The following BEST1 variants were observed in gnomAD, a reference collection of about 807,000 sequenced individuals.
BEST1 encodes bestrophin-1.
A neutral mutation model predicts 63.3 loss-of-function variants in BEST1; 58 were observed. The ratio of observed to expected loss-of-function variants is 0.92; its 90% confidence interval spans 0.74 to 1.14. BEST1 has a LOEUF of 1.14. BEST1 is among the 50% of genes most tolerant of loss of function. The pLI, the probability that BEST1 is intolerant of heterozygous loss-of-function variation, is 0.00. For synonymous variants in BEST1, 283 were observed against 291.6 expected, an observed-to-expected ratio of 0.97 and a Z score of 0.30; for missense variants, 671 against 740.1, an observed-to-expected ratio of 0.91 and a Z score of 1.08.
In BEST1 at chr11:61,955,777, C is replaced by T. The variant is rs1288978712; in HGVS notation, c.307C>T (p.Pro103Ser). 6.5e-7 allele frequency: 1 copy of T among 1,549,634 alleles called. No individual in the cohort carries two copies. The highest frequency in any genetic ancestry group is 8.7e-7 in the Non-Finnish European group (1 of 1,146,898). Residue 103 changes from proline to serine, a missense_variant, in exon 4 of 11, where the codon CCC becomes TCC. Transcript: ENST00000378043. The stretch of plus-strand genomic sequence containing the variant: ...GAACCAGTACGAGAACCTGCCGTGG[C>T]CCGACCGCCTCATGAGCCTGGTGTC... ...WWNQYENLPW[P>S]DRLMSLVSGF...
In BEST1 at chr11:61,962,320, T is replaced by A; in HGVS notation, c.1166T>A (p.Ile389Asn). 1 of 1,614,142 alleles carries A rather than the reference T, an allele frequency of 6.2e-7. No homozygotes were observed. The highest frequency in any genetic ancestry group is 8.5e-7 in the Non-Finnish European group (1 of 1,180,018). The change falls in exon 10 of 11, where the codon ATC becomes AAC. Residue 389 changes from isoleucine to asparagine, a missense_variant. Transcript: ENST00000378043. ...QEDEEDAHAG[I>N]IGRFLGLQSH... ...GACGAGGAGGATGCTCACGCTGGCA[T>A]CATTGGCCGCTTCCTAGGCCTGCAG...
rs2134437023 is a variant in BEST1 at position 61,956,868 on chromosome 11, A to G, written c.506A>G (p.Lys169Arg). 1.2e-6 allele frequency: 2 copies of G among 1,614,028 alleles called. No homozygotes were observed. The highest frequency in any genetic ancestry group is 8.5e-7 in the Non-Finnish European group (1 of 1,179,984). ...QAGFMTPAEH[K>R]QLEKLSLPHN... ...GGCTTTATGACTCCGGCAGAACACA[A>G]GCAGTTGGAGAAACTGAGCCTACCA... is the stretch of plus-strand genomic sequence containing the variant. The change falls in exon 5 of 11, where the codon AAG (lysine) becomes AGG (arginine). Residue 169 changes from lysine (K) to arginine (R), a missense_variant. Transcript: ENST00000378043.
chr11:61,963,392 G>A (rs1199809017), intron 10 of BEST1: 2 of 1,235,402 alleles, frequency 1.6e-6, no homozygotes, highest in Non-Finnish European at 2.0e-6. Context: ...TAGATGGTGA[G>A]GTTGAGGGTG....
rs1401937878 is a variant in BEST1 at position 61,955,951 on chromosome 11, G to A, written c.481G>A (p.Gly161Ser). ...CAGCGCCCAGCACCTGGTGCAAGCA[G>A]GTGGGCGGACCGGGAGCAACGGGGA... is the stretch of plus-strand genomic sequence containing the variant. ...FPSAQHLVQAGFMTPAEHKQL... is the reference protein window; with the variant it reads ...FPSAQHLVQASFMTPAEHKQL... Residue 161 changes from glycine (G) to serine (S), a missense_variant and splice_region_variant, in exon 4 of 11, where the codon GGC (glycine) becomes AGC (serine). Coordinates refer to ENST00000378043, the MANE Select transcript of BEST1 (RefSeq NM_004183.4). The A allele has an allele frequency of 6.5e-7, 1 of 1,546,056 alleles. No homozygotes were observed. Among genetic ancestry groups the A allele is most frequent in the East Asian group, 2.5e-5 (1 of 40,798 alleles).
intron 10 of BEST1, 194 bp downstream of exon 10, chr11:61,963,087 C>T: frequency 6.8e-7 from 1 of 1,471,682 alleles, no homozygotes; most frequent in South Asian, 1.4e-5. Context: ...GTGTTCGGGA[C>T]CTTTTCTCAC....
chr11:61,965,469 T>C (rs186448909), downstream of BEST1: 4,364 of 1,608,172 alleles, frequency 2.7e-3, 8 homozygotes, highest in Non-Finnish European at 3.3e-3. Context: ...AAGAAAGTAT[T>C]TGGCAAAGTT....
At position 61,960,062 on chromosome 11, in the gene BEST1, G is replaced by C; in HGVS notation, c.1100+19G>C. ...ACATCAGGTGTGGCCAGAGCCAGGG[G>C]GCTGGGTGGGAAGCCCCTCCTAGTG... On this transcript the variant is annotated intron_variant, in intron 9 of 10. Coordinates refer to ENST00000378043, the MANE Select transcript of BEST1 (RefSeq NM_004183.4). 6.2e-7 allele frequency: 1 copy of C among 1,603,366 alleles called. No homozygotes were observed. The highest frequency in any genetic ancestry group is 8.5e-7 in the Non-Finnish European group (1 of 1,175,468).
At chr11:61,952,044 G>T in intron 2 of BEST1, 86 bp downstream of exon 2, 1 of 1,499,294 alleles carries the variant, frequency 6.7e-7, no homozygotes, top group South Asian at 1.1e-5. Context: ...CCAGCTCAGG[G>T]GCCAGTGTAC....
At chr11:61,965,387 G>C (rs772706632), downstream of BEST1, 4 of 1,613,404 alleles carry the variant, frequency 2.5e-6, no homozygotes, top group Non-Finnish European at 3.4e-6. Flanking sequence ...CCTGAAGGAA[G>C]ATTCGGCCAC....
chr11:61,953,230 T>C lies in BEST1; in HGVS notation c.152+1272T>C, dbSNP rs943704763. On this transcript the variant is annotated intron_variant, in intron 2 of 10. Transcript: ENST00000378043. ...ATACATGAAATTCTTGTGTTCTTAATAATGCTAGCAACAAGGCACATTTGG... is the reference window on the plus strand; with the variant it reads ...ATACATGAAATTCTTGTGTTCTTAACAATGCTAGCAACAAGGCACATTTGG... 1.4e-4 allele frequency among the ~76,000 whole-genome samples: 21 copies of C among 152,204 alleles called. 1 individual carries two copies. Among genetic ancestry groups the C allele is most frequent in the Non-Finnish European group, 2.9e-5 (2 of 68,032 alleles).
chr11:61,954,244 A>G (rs1217329190), intron 2 of BEST1, among the ~76,000 whole-genome samples: 2 of 149,958 alleles, frequency 1.3e-5, no homozygotes, highest in Admixed American at 6.7e-5. Context: ...CACTATCAAC[A>G]CCCCCACACT....
chr11:61,957,972 T>TCAAACAAA lies in BEST1; in HGVS notation c.715-153_715-146dup, dbSNP rs71046754. Among the ~76,000 whole-genome samples, 65,539 of 149,558 alleles carry TCAAACAAA rather than the reference T, an allele frequency of 0.44. 17,218 individuals carry two copies. Among genetic ancestry groups the TCAAACAAA allele is most frequent in the Middle Eastern group, 0.62 (181 of 290 alleles). ...CTGGGCGACACAGCAAGACTCTGTC[T>TCAAACAAA]CAAACAAACAAACAAACAAACAAAC... On this transcript the variant is annotated intron_variant, in intron 6 of 10. Transcript: ENST00000378043.
chr11:61,960,260 T>A, intron 9 of BEST1: 2 of 687,226 alleles, frequency 2.9e-6, no homozygotes, highest in Non-Finnish European at 2.4e-6. Context: ...TCAGAGAGAG[T>A]AAGTTGTCCA....
chr11:61,955,248 C>A (rs1401224281), intron 3 of BEST1, 47 bp downstream of exon 3: 1 of 1,613,842 alleles, frequency 6.2e-7, no homozygotes, highest in Non-Finnish European at 8.5e-7. Flanking sequence ...GCCGCCCAGG[C>A]TCCAGACAGG....
intron 9 of BEST1, 156 bp from the exon 10 acceptor site, chr11:61,962,099 G>A (rs1015398139): frequency 1.4e-6 from 1 of 740,436 alleles, no homozygotes; most frequent in Admixed American, 2.1e-5. Flanking sequence ...GTACAGGACA[G>A]ATCAGGAGAG....
In BEST1 at chr11:61,962,525, A is replaced by C; in HGVS notation, c.1371A>C (p.Pro457=). Residue 457 remains proline, a synonymous_variant, in exon 10 of 11, where the codon CCA becomes CCC. Transcript: ENST00000378043. Reference sequence around the variant, plus strand: ...CTGTGGACGCCTTCAAGTCTGCCCCACTGTATCAGAGGCCAGGCTACTACA... The same window carrying C: ...CTGTGGACGCCTTCAAGTCTGCCCCCCTGTATCAGAGGCCAGGCTACTACA... ...LKAVDAFKSA[P]LYQRPGYYSA... The C allele has an allele frequency of 6.2e-7, 1 of 1,614,136 alleles. No individual in the cohort carries two copies. Among genetic ancestry groups the C allele is most frequent in the Non-Finnish European group, 8.5e-7 (1 of 1,180,014 alleles).
chr11:61,960,241 A>C (rs767406667), intron 9 of BEST1, 198 bp downstream of exon 9: 16 of 762,760 alleles, frequency 2.1e-5, no homozygotes, highest in Admixed American at 5.3e-5. Context: ...AGATAATTAA[A>C]GTACAGGTTC....
Position 61,962,348 on chromosome 11 carries a change from C to T in BEST1, c.1194C>T (p.Ser398=), listed in dbSNP as rs995380859. The change falls in exon 10 of 11, where the codon TCC becomes TCT. Residue 398 remains serine (S), a synonymous_variant. Coordinates refer to ENST00000378043, the MANE Select transcript of BEST1 (RefSeq NM_004183.4). ...TTGGCCGCTTCCTAGGCCTGCAGTC[C>T]CATGATCACCATCCTCCCAGGGCAA... ...GIIGRFLGLQ[S]HDHHPPRANS... 2 of 1,614,056 alleles carry T rather than the reference C, an allele frequency of 1.2e-6. No individual in the cohort carries two copies. The highest frequency in any genetic ancestry group is 1.3e-5 in the African/African-American group (1 of 74,900).
Position 61,955,084 on chromosome 11 carries a change from T to TCCACCC in BEST1, c.153-7_153-2dup. On this transcript the variant is annotated intron_variant, in intron 2 of 10. Coordinates refer to ENST00000378043, the MANE Select transcript of BEST1 (RefSeq NM_004183.4). Reference sequence around the variant, plus strand: ...CATCTCCTCGCTGCGTCCACACAATTCCACCCCCACCCCCACCCCCAGGCT... The same window carrying TCCACCC: ...CATCTCCTCGCTGCGTCCACACAATTCCACCCCCACCCCCACCCCCACCCCCAGGCT... The TCCACCC allele has an allele frequency of 3.1e-6, 5 of 1,606,552 alleles. No homozygotes were observed. The highest frequency in any genetic ancestry group is 1.1e-5 in the South Asian group (1 of 90,866).
Sources: allele counts gnomAD v4.1 joint callset (sites outside exome capture counted in the v4.1 genomes callset), GRCh38; gene constraint gnomAD v4.1.1; transcripts MANE v1.5; gene names NCBI Gene and HGNC (gene_info 2026-07-23, HGNC 2026-07-21).